The following LRP1B variants were observed in gnomAD, a reference collection of about 807,000 sequenced individuals.
The protein encoded by LRP1B is LDL receptor related protein 1B.
LRP1B carries 217 observed loss-of-function variants against 556.6 expected under a neutral mutation model. The observed-to-expected ratio is 0.39, with a 90% CI of 0.35 to 0.44. LRP1B has a LOEUF of 0.44. Among genes scored for constraint, LRP1B ranks in the 20% least tolerant of loss-of-function variants. The pLI, the probability that LRP1B is intolerant of heterozygous loss-of-function variation, is 1.00. For missense variants in LRP1B, 5,053 were observed against 5,620.8 expected, an observed-to-expected ratio of 0.90 and a Z score of 3.23; for synonymous variants, 2,047 against 1,865.8, an observed-to-expected ratio of 1.10 and a Z score of -2.50.
chr2:140,876,502 C>T (rs1180666803), intron 25 of LRP1B, among the ~76,000 whole-genome samples: 2 of 152,170 alleles, frequency 1.3e-5, no homozygotes, highest in Non-Finnish European at 2.9e-5. Flanking sequence ...GTGCTTTCCT[C>T]TAAGGAATCA....
chr2:140,881,246 T>C (rs1406967738), intron 25 of LRP1B, among the ~76,000 whole-genome samples: 2 of 115,104 alleles, frequency 1.7e-5, no homozygotes, highest in East Asian at 2.4e-4. Flanking sequence ...GGCTTGGCTT[T>C]GCTGTAAGTG....
intron 15 of LRP1B, among the ~76,000 whole-genome samples, chr2:140,997,054 A>G (rs1372134851): frequency 1.3e-5 from 2 of 152,004 alleles, no homozygotes; most frequent in Non-Finnish European, 2.9e-5. Context: ...CTGTAATTCT[A>G]CTGCCAGAAC....
rs1693937503 is a variant in LRP1B at position 141,746,942 on chromosome 2, G to A, written c.205+63337C>T. On this transcript the variant is annotated intron_variant, in intron 2 of 90. Transcript: ENST00000389484. Reference sequence around the variant, plus strand: ...TAACAATGACTCTAACGGCATCAGAGTTTGCTTAAAAGCATCGAAAATAAT... The same window carrying A: ...TAACAATGACTCTAACGGCATCAGAATTTGCTTAAAAGCATCGAAAATAAT... 1.3e-5 allele frequency among the ~76,000 whole-genome samples: 2 copies of A among 151,904 alleles called. 1 individual carries two copies. The highest frequency in any genetic ancestry group is 4.2e-4 in the South Asian group (2 of 4,814).
chr2:141,428,923 G>T (rs921095542), intron 3 of LRP1B, among the ~76,000 whole-genome samples: 10 of 152,094 alleles, frequency 6.6e-5, no homozygotes, highest in Non-Finnish European at 1.3e-4. Flanking sequence ...CATGCTCCTT[G>T]AATTAATAGT....
At chr2:140,280,959 CAAT>C (rs1682889260) in intron 84 of LRP1B, among the ~76,000 whole-genome samples, 1 of 151,610 alleles carries the variant, frequency 6.6e-6, no homozygotes, top group African/African-American at 2.4e-5. Context: ...GCACCAAACA[CAAT>C]AATGTAATCT....
intron 41 of LRP1B, among the ~76,000 whole-genome samples, chr2:140,604,212 C>T (rs899258840): frequency 2.0e-5 from 3 of 148,840 alleles, no homozygotes; most frequent in African/African-American, 5.0e-5. Context: ...GTCTCCTTAC[C>T]TCATGCACTT....
At chr2:141,445,414 C>CT (rs1216399727) in intron 3 of LRP1B, among the ~76,000 whole-genome samples, 1 of 152,164 alleles carries the variant, frequency 6.6e-6, no homozygotes, top group African/African-American at 2.4e-5. Flanking sequence ...TTTTGTGTCT[C>CT]TATCTCCTTC....
intron 1 of LRP1B, among the ~76,000 whole-genome samples, chr2:142,042,431 A>G (rs1255039668): frequency 6.6e-6 from 1 of 151,436 alleles, no homozygotes. Context: ...AATGACTGGA[A>G]TAAGTAAAGC....
chr2:141,174,938 C>T (rs1293931012), intron 7 of LRP1B, among the ~76,000 whole-genome samples: 2 of 152,092 alleles, frequency 1.3e-5, no homozygotes, highest in South Asian at 2.1e-4. Context: ...AGATTAGGAA[C>T]TTACTGGGAA....
intron 59 of LRP1B, among the ~76,000 whole-genome samples, chr2:140,481,578 TTTATTATTATTATTATTATTA>T (rs539100695): frequency 7.3e-6 from 1 of 137,130 alleles, no homozygotes; most frequent in Non-Finnish European, 1.6e-5. Context: ...GGTAGCCATC[TTTATTATTATTATTATTATTA>T]TTATTATTAT....
chr2:140,549,332 C>T (rs12053149), intron 43 of LRP1B, among the ~76,000 whole-genome samples: 15 of 151,640 alleles, frequency 9.9e-5, no homozygotes, highest in African/African-American at 2.9e-4. Context: ...TCTTGCCACA[C>T]GGATATATAA....
intron 1 of LRP1B, among the ~76,000 whole-genome samples, chr2:141,870,857 A>G (rs1265665961): frequency 6.6e-6 from 1 of 151,984 alleles, no homozygotes; most frequent in Non-Finnish European, 1.5e-5. Context: ...AGCATTCCCC[A>G]GATTAGGAAC....
At chr2:141,755,562 A>C (rs10928120) in intron 2 of LRP1B, among the ~76,000 whole-genome samples, 101,813 of 151,814 alleles carry the variant, frequency 0.67, 34,712 homozygotes, top group East Asian at 0.75. Context: ...ACTGCTAAAG[A>C]GGTCACGAGG....
intron 43 of LRP1B, among the ~76,000 whole-genome samples, chr2:140,564,417 T>C (rs939865076): frequency 6.6e-6 from 1 of 152,142 alleles, no homozygotes; most frequent in Non-Finnish European, 1.5e-5. Context: ...TAATCAAATA[T>C]ATCATATAAG....
intron 2 of LRP1B, among the ~76,000 whole-genome samples, chr2:141,687,552 C>T (rs1177736949): frequency 6.6e-6 from 1 of 151,902 alleles, no homozygotes; most frequent in African/African-American, 2.4e-5. Context: ...TGGTTCTTGA[C>T]CACATAGAGT....
At chr2:141,051,584 C>A (rs967371442) in intron 10 of LRP1B, among the ~76,000 whole-genome samples, 4 of 151,942 alleles carry the variant, frequency 2.6e-5, no homozygotes, top group Admixed American at 2.6e-4. Flanking sequence ...AGGTACCTAG[C>A]AAAAATGTGA....
At chr2:141,997,404 T>TAA (rs1288516956) in intron 1 of LRP1B, among the ~76,000 whole-genome samples, 4 of 119,020 alleles carry the variant, frequency 3.4e-5, no homozygotes, top group African/African-American at 6.7e-5. Context: ...TATATATATA[T>TAA]AAATGTATAT....
At chr2:141,899,733 G>T (rs763137519) in intron 1 of LRP1B, among the ~76,000 whole-genome samples, 1 of 152,040 alleles carries the variant, frequency 6.6e-6, no homozygotes, top group Admixed American at 6.6e-5. Flanking sequence ...GAAACAGAAG[G>T]GAAGAGCTCC....
chr2:140,345,859 CACAT>C (rs1432541014), intron 77 of LRP1B, among the ~76,000 whole-genome samples: 1 of 132,056 alleles, frequency 7.6e-6, no homozygotes, highest in South Asian at 2.3e-4. Flanking sequence ...CACACACACA[CACAT>C]ATATATATAT....
Sources: gnomAD v4.1 joint callset for allele counts (sites outside exome capture counted in the v4.1 genomes callset) on GRCh38, gnomAD v4.1.1 for gene constraint, MANE v1.5 for transcripts, NCBI Gene and HGNC (gene_info 2026-07-23, HGNC 2026-07-21) for gene names.